SLC9C2: variants seen among roughly 807,000 people sequenced by gnomAD.
SLC9C2 encodes the protein sodium/hydrogen exchanger 11.
A neutral mutation model predicts 140.2 loss-of-function variants in SLC9C2; 75 were observed. The observed-to-expected ratio is 0.53, with a 90% CI of 0.44 to 0.65. The LOEUF is 0.65. Among genes scored for constraint, SLC9C2 ranks in the 30% least tolerant of loss-of-function variants. The pLI, the probability that SLC9C2 is intolerant of heterozygous loss-of-function variation, is 0.00. For synonymous variants in SLC9C2, 375 were observed against 420.9 expected (o/e 0.89, Z 1.34); for missense variants, 1,074 against 1,331.8 (o/e 0.81, Z 3.01).
chr1:173,538,701 C>T (rs987578695), intron 13 of SLC9C2, among the ~76,000 whole-genome samples: 1 of 151,992 alleles, frequency 6.6e-6, no homozygotes, highest in African/African-American at 2.4e-5. Context: ...GAAGAATGGT[C>T]GTGGGGCGAG....
chr1:173,549,715 A>G (rs528420691), intron 11 of SLC9C2, among the ~76,000 whole-genome samples: 1 of 152,326 alleles, frequency 6.6e-6, no homozygotes, highest in South Asian at 2.1e-4. Context: ...ATTCCTAGAA[A>G]CGATGAACAT....
chr1:173,574,678 T>TTTTG (rs1490928687), intron 8 of SLC9C2, among the ~76,000 whole-genome samples: 2 of 151,294 alleles, frequency 1.3e-5, no homozygotes, highest in Non-Finnish European at 2.9e-5. Context: ...GCCCGGCTAA[T>TTTTG]TTTTTGTATT....
intron 13 of SLC9C2, among the ~76,000 whole-genome samples, chr1:173,544,758 C>CA (rs1281827543): frequency 2.0e-5 from 3 of 152,024 alleles, no homozygotes; most frequent in Non-Finnish European, 2.9e-5. Context: ...ATCACAAGGA[C>CA]AAAAAACCAA....
In SLC9C2 at chr1:173,587,075, C is replaced by A. The variant is rs887532725; in HGVS notation, c.523+590G>T. 1.1e-4 allele frequency among the ~76,000 whole-genome samples: 17 copies of A among 151,910 alleles called. 1 individual carries two copies. The highest frequency in any genetic ancestry group is 1.1e-3 in the Admixed American group (17 of 15,252). On this transcript the variant is annotated intron_variant, in intron 5 of 27. Coordinates refer to ENST00000367714, the MANE Select transcript of SLC9C2 (RefSeq NM_178527.4). ...ATAGGGGGATATTTCAGAGTGAAAT[C>A]ATCTTCCACCTTACCAAATAATATG...
At position 173,576,775 on chromosome 1, in the gene SLC9C2, A is replaced by C. The variant is rs757201123; in HGVS notation, c.803-15T>G. 4 of 1,503,850 alleles carry C rather than the reference A, an allele frequency of 2.7e-6. No individual in the cohort carries two copies. The highest frequency in any genetic ancestry group is 1.9e-5 in the Admixed American group (1 of 53,964). 93.2% of individuals were successfully genotyped at this position (1,503,850 alleles called of 1,614,324 possible). ...TAAAAATTCCACTGGGGAGAAAAAAAAAACAAATGAATCAAATGCAATGTA... is the reference window on the plus strand; with the variant it reads ...TAAAAATTCCACTGGGGAGAAAAAACAAACAAATGAATCAAATGCAATGTA... On this transcript the variant is annotated splice_polypyrimidine_tract_variant and intron_variant, in intron 7 of 27. Coordinates refer to ENST00000367714, the MANE Select transcript of SLC9C2 (RefSeq NM_178527.4).
At position 173,506,841 on chromosome 1, in the gene SLC9C2, AATG is replaced by A; in HGVS notation, c.3225+12_3225+14del. 2 of 1,603,448 alleles carry A rather than the reference AATG, an allele frequency of 1.2e-6. No individual in the cohort carries two copies. Among genetic ancestry groups the A allele is most frequent in the Non-Finnish European group, 1.7e-6 (2 of 1,175,398 alleles). Reference sequence around the variant, plus strand: ...CGTGAAGAGCAAGAGACTCTTTAGAAATGATATTTCTTACCTGCTCACAGGTTG... The same window carrying A: ...CGTGAAGAGCAAGAGACTCTTTAGAAATATTTCTTACCTGCTCACAGGTTG... On this transcript the variant is annotated intron_variant, in intron 25 of 27. Coordinates refer to ENST00000367714, the MANE Select transcript of SLC9C2 (RefSeq NM_178527.4).
intron 9 of SLC9C2, among the ~76,000 whole-genome samples, chr1:173,571,164 T>C (rs1467938482): frequency 6.6e-6 from 1 of 152,186 alleles, no homozygotes; most frequent in Non-Finnish European, 1.5e-5. Context: ...AAAGCTAAAA[T>C]GCCCTGACTT....
chr1:173,557,294 G>A, intron 10 of SLC9C2, 46 bp downstream of exon 10: 1 of 1,560,752 alleles, frequency 6.4e-7, no homozygotes, highest in Non-Finnish European at 8.7e-7. Flanking sequence ...GGCAAGATAA[G>A]TAAAAATGAT....
chr1:173,532,812 C>T (rs1048536932), intron 17 of SLC9C2, among the ~76,000 whole-genome samples: 12 of 151,850 alleles, frequency 7.9e-5, no homozygotes, highest in Middle Eastern at 3.2e-3. Flanking sequence ...TTTGGGAGGC[C>T]GAAACAGGAG....
At chr1:173,538,159 C>A (rs1209255195) in intron 13 of SLC9C2, among the ~76,000 whole-genome samples, 1 of 152,194 alleles carries the variant, frequency 6.6e-6, no homozygotes, top group Non-Finnish European at 1.5e-5. Context: ...TCTGAAACTG[C>A]CTTCCAAACG....
At chr1:173,568,406 T>A (rs1292956876) in intron 9 of SLC9C2, among the ~76,000 whole-genome samples, 2 of 115,892 alleles carry the variant, frequency 1.7e-5, no homozygotes, top group African/African-American at 2.5e-4. Flanking sequence ...CCTGTGTTAG[T>A]TTGCTAAGGA....
chr1:173,551,658 C>T (rs769693958), intron 11 of SLC9C2, among the ~76,000 whole-genome samples: 2 of 152,188 alleles, frequency 1.3e-5, no homozygotes, highest in Non-Finnish European at 2.9e-5. Flanking sequence ...TGGGGCACCA[C>T]AAACTGCACC....
chr1:173,575,612 T>C lies in SLC9C2; in HGVS notation c.902+1049A>G, dbSNP rs151055206. Among the ~76,000 whole-genome samples the C allele has an allele frequency of 9.3e-3, 1,417 of 152,282 alleles. 28 individuals carry two copies. Among genetic ancestry groups the C allele is most frequent in the African/African-American group, 0.033 (1,362 of 41,536 alleles). The stretch of plus-strand genomic sequence containing the variant: ...TGTTTTTTGAGACAGAGTCTCGCTC[T>C]GTCACTCAGGCTGGAGTGCAGTGGT... On this transcript the variant is annotated intron_variant, in intron 8 of 27. Transcript: ENST00000367714.
intron 5 of SLC9C2, among the ~76,000 whole-genome samples, chr1:173,583,997 T>A (rs867458977): frequency 2.4e-4 from 37 of 152,182 alleles, no homozygotes; most frequent in African/African-American, 8.4e-4. Flanking sequence ...ATTCTACTCC[T>A]AGGTATATAC....
Position 173,550,888 on chromosome 1 carries a change from G to GAGAGAGAGAC in SLC9C2, c.1298-2337_1298-2336insGTCTCTCTCT, listed in dbSNP as rs1157672562. On this transcript the variant is annotated intron_variant, in intron 11 of 27. Transcript: ENST00000367714. ...AGCCGTTGAAAGAGAGAGAGAGAGA[G>GAGAGAGAGAC]AGAGAGAGAGAGAGAGAGAGAAGGA... Among the ~76,000 whole-genome samples the GAGAGAGAGAC allele has an allele frequency of 4.7e-5, 4 of 85,406 alleles. No homozygotes were observed. The East Asian group carries it at 6.5e-3, about 140-fold the overall frequency. The allele number at this position is 85,406 out of a possible 152,430, so 56.0% of individuals were successfully genotyped here.
intron 10 of SLC9C2, 68 bp downstream of exon 10, chr1:173,557,272 C>A (rs772504113): frequency 2.0e-6 from 3 of 1,465,248 alleles, no homozygotes; most frequent in Non-Finnish European, 2.8e-6. Flanking sequence ...TTACTGGGTT[C>A]TCTGACAAGT....
chr1:173,582,907 TA>T (rs985197025), intron 6 of SLC9C2, among the ~76,000 whole-genome samples: 44 of 152,350 alleles, frequency 2.9e-4, no homozygotes, highest in African/African-American at 1.1e-3. Flanking sequence ...ATTGATCCAG[TA>T]AAGAAGTAAT....
intron 27 of SLC9C2, among the ~76,000 whole-genome samples, chr1:173,502,619 C>A (rs1300757933): frequency 6.6e-6 from 1 of 152,198 alleles, no homozygotes; most frequent in Non-Finnish European, 1.5e-5. Flanking sequence ...TCAAACTTCT[C>A]TAAATTTGTC....
chr1:173,537,385 AC>A (rs1429495250), intron 13 of SLC9C2, among the ~76,000 whole-genome samples: 25 of 151,840 alleles, frequency 1.6e-4, no homozygotes, highest in African/African-American at 5.6e-4. Flanking sequence ...ACACGGTGAA[AC>A]CCCCCATCTC....
Sources: gnomAD v4.1 joint callset for allele counts (sites outside exome capture counted in the v4.1 genomes callset) on GRCh38, gnomAD v4.1.1 for gene constraint, MANE v1.5 for transcripts, NCBI Gene and HGNC (gene_info 2026-07-23, HGNC 2026-07-21) for gene names.